ZNF66: variants seen among roughly 807,000 people sequenced by gnomAD.
The protein encoded by ZNF66 is putative zinc finger protein 66.
Under a neutral mutation model 35.2 loss-of-function variants are expected in ZNF66, and 32 were observed. That is an observed-to-expected ratio of 0.91 (90% CI 0.69 to 1.22). The LOEUF (loss-of-function observed/expected upper bound fraction) is 1.22. ZNF66 is among the 50% of genes most tolerant of loss of function. ZNF66 has a pLI of 0.00. For missense variants in ZNF66, 666 were observed against 543.1 expected, an observed-to-expected ratio of 1.23 and a Z score of -2.25; for synonymous variants, 231 against 181.3, an observed-to-expected ratio of 1.27 and a Z score of -2.20.
rs777690224 is a variant in ZNF66, at chr19:20,806,724, G to A, written c.1124G>A (p.Gly375Asp). 6 of 1,422,152 alleles carry A rather than the reference G, an allele frequency of 4.2e-6. No individual in the cohort carries two copies. Among genetic ancestry groups the A allele is most frequent in the Non-Finnish European group, 5.0e-6 (5 of 1,008,222 alleles). The allele number at this position is 1,422,152 out of a possible 1,614,324, so 88.1% of individuals were successfully genotyped here. ...AAACCCTACAAATGTGAAGAATGTG[G>A]TGAAGCCTTTAAGTACTCCTGTTCC... ...GEKPYKCEEC[G>D]EAFKYSCSLT... Residue 375 changes from glycine to aspartate, a missense_variant, in exon 4 of 4, where the codon GGT becomes GAT. Coordinates refer to ENST00000344519, the MANE Select transcript of ZNF66 (RefSeq NM_001355197.2).
Position 20,806,796 on chromosome 19 carries a change from G to A in ZNF66, c.1196G>A (p.Cys399Tyr). The change falls in exon 4 of 4, where the codon TGT (cysteine) becomes TAT (tyrosine). Residue 399 changes from cysteine to tyrosine, a missense_variant. Transcript: ENST00000344519. ...IIHTGKKPYK[C>Y]EECGKVFKHS... ...CATACTGGAAAGAAACCTTACAAATGTGAAGAATGTGGCAAAGTGTTTAAG... is the reference window on the plus strand; with the variant it reads ...CATACTGGAAAGAAACCTTACAAATATGAAGAATGTGGCAAAGTGTTTAAG... 3 of 1,310,494 alleles carry A rather than the reference G, an allele frequency of 2.3e-6. No homozygotes were observed. The highest frequency in any genetic ancestry group is 1.7e-5 in the Admixed American group (1 of 59,136). 81.2% of individuals were successfully genotyped at this position (1,310,494 alleles called of 1,614,324 possible).
rs1306636791 is a variant in ZNF66, at chr19:20,776,333, G to A, written c.-115G>A. On this transcript the variant is annotated 5_prime_UTR_variant, in exon 1 of 4. Coordinates refer to ENST00000344519, the MANE Select transcript of ZNF66 (RefSeq NM_001355197.2). ...CTCCCTGCAGCTGGAGCTCCAGGTC[G>A]TCTGTTCACTGCTCTCTGTCTTCTT... 6.9e-7 allele frequency: 1 copy of A among 1,448,538 alleles called. No individual in the cohort carries two copies. The highest frequency in any genetic ancestry group is 2.3e-5 in the East Asian group (1 of 43,710). 89.7% of individuals were successfully genotyped at this position (1,448,538 alleles called of 1,614,324 possible).
intron 3 of ZNF66, among the ~76,000 whole-genome samples, chr19:20,796,880 A>G (rs532224411): frequency 6.6e-6 from 1 of 152,094 alleles, no homozygotes; most frequent in Admixed American, 6.6e-5. Context: ...AGATGGAGTC[A>G]CACTCTGTCA....
chr19:20,779,522 T>C (rs1971226237), intron 1 of ZNF66, among the ~76,000 whole-genome samples: 1 of 152,038 alleles, frequency 6.6e-6, no homozygotes, highest in South Asian at 2.1e-4. Flanking sequence ...TTAAGAAAAG[T>C]ATGATTAAGA....
At chr19:20,781,824 A>G (rs900950388) in intron 1 of ZNF66, among the ~76,000 whole-genome samples, 16 of 152,082 alleles carry the variant, frequency 1.1e-4, no homozygotes, top group African/African-American at 3.6e-4. Flanking sequence ...TTGTTTTCTA[A>G]GAAAAATAGT....
rs1420761401 is a variant in ZNF66 at position 20,809,380 on chromosome 19, A to G, written c.*2058A>G. ...AGCAACTCCAAGACACATAATTGTC[A>G]GATTCACCAAAGTTGAAATGAAGGA... is the stretch of plus-strand genomic sequence containing the variant. On this transcript the variant is annotated 3_prime_UTR_variant, in exon 4 of 4. Coordinates refer to ENST00000344519, the MANE Select transcript of ZNF66 (RefSeq NM_001355197.2). Among the ~76,000 whole-genome samples, 2 of 152,128 alleles carry G rather than the reference A, an allele frequency of 1.3e-5. No individual in the cohort carries two copies. The highest frequency in any genetic ancestry group is 4.8e-5 in the African/African-American group (2 of 41,432).
At chr19:20,797,039 C>T (rs1396807325) in intron 3 of ZNF66, among the ~76,000 whole-genome samples, 2 of 151,860 alleles carry the variant, frequency 1.3e-5, no homozygotes, top group African/African-American at 4.8e-5. Flanking sequence ...TTAGTAGAGA[C>T]AGGGCTTCAC....
intron 1 of ZNF66, among the ~76,000 whole-genome samples, chr19:20,787,627 A>C (rs1394559298): frequency 1.3e-5 from 2 of 152,178 alleles, no homozygotes; most frequent in African/African-American, 4.8e-5. Flanking sequence ...TTGTTCATTG[A>C]CCTGCTACAG....
intron 1 of ZNF66, chr19:20,785,221 T>TG (rs1416189653): frequency 6.6e-6 from 1 of 152,284 alleles, no homozygotes; most frequent in Non-Finnish European, 1.5e-5. Context: ...AGCTGTGCTC[T>TG]GGGCTGTGCC....
rs62125621 is a variant in ZNF66, at chr19:20,799,609, A to G, written c.226+5731A>G. Reference sequence around the variant, plus strand: ...TATGTCTAAGTATTTTATTTAAAATATATTATTGTATCATTCAAGGAAATA... The same window carrying G: ...TATGTCTAAGTATTTTATTTAAAATGTATTATTGTATCATTCAAGGAAATA... On this transcript the variant is annotated intron_variant, in intron 3 of 3. Transcript: ENST00000344519. Among the ~76,000 whole-genome samples the G allele has an allele frequency of 2.5e-3, 374 of 152,252 alleles. No individual in the cohort carries two copies. The Middle Eastern group carries it at 0.037, about 15-fold the overall frequency.
chr19:20,799,061 CTTTCTTTTTT>C (rs1300193059), intron 3 of ZNF66: 2 of 116,708 alleles, frequency 1.7e-5, no homozygotes, highest in East Asian at 4.4e-4. Context: ...CTTTTTCTTT[CTTTCTTTTTT>C]TTTTTTTTGA....
intron 1 of ZNF66, among the ~76,000 whole-genome samples, chr19:20,780,898 C>G (rs1971239664): frequency 6.6e-6 from 1 of 152,148 alleles, no homozygotes. Context: ...CACCCACTCA[C>G]AAACACACAC....
At chr19:20,790,100 A>AT (rs771141180) in intron 1 of ZNF66, among the ~76,000 whole-genome samples, 6 of 152,218 alleles carry the variant, frequency 3.9e-5, no homozygotes, top group Non-Finnish European at 8.8e-5. Context: ...CCCTTTTCAA[A>AT]TCTGCAGAAT....
intron 2 of ZNF66, 143 bp from the exon 3 acceptor site, chr19:20,793,640 A>G (rs1335573181): frequency 2.4e-6 from 1 of 423,126 alleles, no homozygotes; most frequent in Non-Finnish European, 4.2e-6. Flanking sequence ...TATTTTCTAA[A>G]TATTTAGAAA....
In ZNF66 at chr19:20,807,624, A is replaced by G. The variant is rs926978905; in HGVS notation, c.*302A>G. ...AGATGAAGTTTCATGCTTGTCACCC[A>G]AGCTGGAATACAATGTGATGATCTC... On this transcript the variant is annotated 3_prime_UTR_variant, in exon 4 of 4. Coordinates refer to ENST00000344519, the MANE Select transcript of ZNF66 (RefSeq NM_001355197.2). Among the ~76,000 whole-genome samples, 2 of 150,502 alleles carry G rather than the reference A, an allele frequency of 1.3e-5. No individual in the cohort carries two copies. The highest frequency in any genetic ancestry group is 4.9e-5 in the African/African-American group (2 of 40,804).
chr19:20,780,974 C>A (rs536181427), intron 1 of ZNF66, among the ~76,000 whole-genome samples: 1 of 152,180 alleles, frequency 6.6e-6, no homozygotes, highest in Non-Finnish European at 1.5e-5. Flanking sequence ...TTCACCACAG[C>A]ATTTTTGACC....
chr19:20,783,308 C>G (rs572863911), intron 1 of ZNF66, among the ~76,000 whole-genome samples: 37 of 152,230 alleles, frequency 2.4e-4, no homozygotes, highest in South Asian at 1.5e-3. Flanking sequence ...TCCAAGAGTT[C>G]AAAACTATTT....
At position 20,792,537 on chromosome 19, in the gene ZNF66, C is replaced by T; in HGVS notation, c.29C>T (p.Ala10Val). The T allele has an allele frequency of 6.5e-7, 1 of 1,531,256 alleles. No individual in the cohort carries two copies. The highest frequency in any genetic ancestry group is 9.0e-7 in the Non-Finnish European group (1 of 1,109,116). The allele number at this position is 1,531,256 out of a possible 1,614,324, so 94.9% of individuals were successfully genotyped here. Residue 10 changes from alanine to valine, a missense_variant, in exon 2 of 4, where the codon GCC (alanine) becomes GTC (valine). Coordinates refer to ENST00000344519, the MANE Select transcript of ZNF66 (RefSeq NM_001355197.2). MGPLQFRDV[A>V]IEFSLEEWHC... The stretch of plus-strand genomic sequence containing the variant: ...GGGCCATTGCAATTTAGAGATGTGG[C>T]CATAGAATTCTCTCTGGAGGAGTGG...
intron 1 of ZNF66, among the ~76,000 whole-genome samples, chr19:20,787,998 A>G (rs1971303483): frequency 6.6e-6 from 1 of 152,180 alleles, no homozygotes; most frequent in African/African-American, 2.4e-5. Flanking sequence ...TTCAGAGCAG[A>G]ATTGTGTTAG....
Sources: allele counts gnomAD v4.1 joint callset (sites outside exome capture counted in the v4.1 genomes callset), GRCh38; gene constraint gnomAD v4.1.1; transcripts MANE v1.5; gene names NCBI Gene and HGNC (gene_info 2026-07-23, HGNC 2026-07-21).